KDELR1: variants seen among roughly 807,000 people sequenced by gnomAD.
KDELR1 encodes the protein ER lumen protein-retaining receptor 1.
KDELR1 carries 16 observed loss-of-function variants against 25.5 expected under a neutral mutation model. That is an observed-to-expected ratio of 0.63 (90% CI 0.43 to 0.95). KDELR1 has a LOEUF of 0.95. KDELR1 is among the 40% of genes least tolerant of loss of function. The probability of loss-of-function intolerance (pLI) is 0.00; values close to 1 mark genes in which losing one functional copy is unlikely to be tolerated. For synonymous variants in KDELR1, 121 were observed against 115.0 expected, an observed-to-expected ratio of 1.05 and a Z score of -0.33; for missense variants, 159 against 265.2, an observed-to-expected ratio of 0.60 and a Z score of 2.78.
intron 3 of KDELR1, among the ~76,000 whole-genome samples, chr19:48,386,318 T>C (rs1369140946): frequency 1.3e-5 from 2 of 152,144 alleles, no homozygotes; most frequent in African/African-American, 4.8e-5. Context: ...GGTTTCACCA[T>C]GTTGGCCAGG....
At chr19:48,386,509 A>G (rs1468629671) in intron 3 of KDELR1, among the ~76,000 whole-genome samples, 2 of 146,244 alleles carry the variant, frequency 1.4e-5, no homozygotes, top group African/African-American at 5.2e-5. Context: ...GTACAGTAGC[A>G]CGATCTCAGC....
chr19:48,390,242 C>A, intron 2 of KDELR1, 182 bp downstream of exon 2: 1 of 527,264 alleles, frequency 1.9e-6, no homozygotes, highest in Non-Finnish European at 3.4e-6. Context: ...TCCCTCAGAC[C>A]CAGGAGTCCA....
upstream of KDELR1, among the ~76,000 whole-genome samples, chr19:48,395,206 A>C (rs1970623447): frequency 6.7e-6 from 1 of 149,492 alleles, no homozygotes; most frequent in Non-Finnish European, 1.5e-5. Flanking sequence ...ATCCCCACAT[A>C]CCTGATGCCC....
At chr19:48,389,448 C>T in intron 3 of KDELR1, 105 bp downstream of exon 3, 1 of 1,341,040 alleles carries the variant, frequency 7.5e-7, no homozygotes, top group Admixed American at 1.9e-5. Flanking sequence ...TAAAATAAGG[C>T]AGTTTGGGCA....
chr19:48,389,720 G>C lies in KDELR1; in HGVS notation c.193-9C>G. The stretch of plus-strand genomic sequence containing the variant: ...CAGGCTATGTAGACCACCTGAGGAG[G>C]GGGATGATGAGAAGGGGCCTCAACT... On this transcript the variant is annotated splice_polypyrimidine_tract_variant and intron_variant, in intron 2 of 4. Coordinates refer to ENST00000330720, the MANE Select transcript of KDELR1 (RefSeq NM_006801.3). 6.2e-7 allele frequency: 1 copy of C among 1,613,762 alleles called. No individual in the cohort carries two copies.
chr19:48,389,339 G>A (rs1261719229), intron 3 of KDELR1: 1 of 569,960 alleles, frequency 1.8e-6, no homozygotes, highest in Admixed American at 3.0e-5. Context: ...AAAGTAAGTA[G>A]GTGAAATGCT....
chr19:48,385,049 G>A (rs1318735120), intron 3 of KDELR1, among the ~76,000 whole-genome samples: 2 of 151,988 alleles, frequency 1.3e-5, no homozygotes, highest in African/African-American at 4.8e-5. Flanking sequence ...ACCACACCCG[G>A]CTAATTTTTG....
chr19:48,387,598 CT>C (rs1793294310), intron 3 of KDELR1, among the ~76,000 whole-genome samples: 1 of 150,814 alleles, frequency 6.6e-6, no homozygotes, highest in Non-Finnish European at 1.5e-5. Flanking sequence ...AGGAGAAACG[CT>C]TGACCTGGGA....
upstream of KDELR1, among the ~76,000 whole-genome samples, chr19:48,395,688 G>A (rs891591782): frequency 2.0e-5 from 3 of 152,024 alleles, no homozygotes; most frequent in Non-Finnish European, 4.4e-5. Context: ...GGGACAGGCT[G>A]TGCTATGTAC....
chr19:48,390,573 G>GAGAGAGAC (rs1451151239), intron 1 of KDELR1, 49 bp from the exon 2 acceptor site: 1 of 1,255,576 alleles, frequency 8.0e-7, no homozygotes, highest in Admixed American at 1.8e-5. Flanking sequence ...CAGAGAGAGA[G>GAGAGAGAC]AGAGAGACAG....
intron 2 of KDELR1, chr19:48,390,060 T>C (rs276702): frequency 0.28 from 30,761 of 109,042 alleles, 4,157 homozygotes; most frequent in Middle Eastern, 0.45. Flanking sequence ...CTCCCTCAGA[T>C]CCAGGAGTCC....
intron 3 of KDELR1, among the ~76,000 whole-genome samples, chr19:48,388,760 A>G (rs1207219225): frequency 6.6e-6 from 1 of 150,788 alleles, no homozygotes; most frequent in African/African-American, 2.4e-5. Flanking sequence ...AAGAAGAAAG[A>G]AAGGAAAGAA....
chr19:48,391,662 C>A, upstream of KDELR1: 1 of 421,424 alleles, frequency 2.4e-6, no homozygotes, highest in Non-Finnish European at 4.4e-6. Context: ...GCCGTGGCGG[C>A]GCTAAACGCA....
At chr19:48,395,721 G>A (rs968769777), upstream of KDELR1, among the ~76,000 whole-genome samples, 1 of 152,054 alleles carries the variant, frequency 6.6e-6, no homozygotes, top group Non-Finnish European at 1.5e-5. Context: ...GGGTGACTAG[G>A]GAGGCCAGAG....
upstream of KDELR1, among the ~76,000 whole-genome samples, chr19:48,392,590 C>G (rs978456025): frequency 6.6e-6 from 1 of 152,188 alleles, no homozygotes; most frequent in Non-Finnish European, 1.5e-5. Flanking sequence ...CTTTACGACC[C>G]ACAGATTTAG....
upstream of KDELR1, among the ~76,000 whole-genome samples, chr19:48,392,134 C>A (rs555447451): frequency 7.1e-6 from 1 of 139,992 alleles, no homozygotes; most frequent in East Asian, 2.3e-4. Context: ...ACCCAGGAGT[C>A]CAGGCCCCCA....
In KDELR1 at chr19:48,390,399, CAG is replaced by C. The variant is rs370018341; in HGVS notation, c.192+23_192+24del. On this transcript the variant is annotated intron_variant, in intron 2 of 4. Coordinates refer to ENST00000330720, the MANE Select transcript of KDELR1 (RefSeq NM_006801.3). ...CCGGCTCCTCTGCCTCAGTGGGGGC[CAG>C]AGAGGTGGGGTGGAGCCTCTACCTT... 4.6e-5 allele frequency: 72 copies of C among 1,560,904 alleles called. No individual in the cohort carries two copies. In the African/African-American group the frequency reaches 7.6e-4, roughly 16 times the overall value.
chr19:48,393,297 G>C (rs1479781375), upstream of KDELR1, among the ~76,000 whole-genome samples: 1 of 152,112 alleles, frequency 6.6e-6, no homozygotes, highest in African/African-American at 2.4e-5. This position sits in a 1 kb window ranked among gnomAD's most constrained non-coding sequence, Gnocchi z 5.6. Flanking sequence ...TGGCCTTCTG[G>C]GGCAATAAAA....
In KDELR1 at chr19:48,385,984, G is replaced by A. The variant is rs182358106; in HGVS notation, c.352-1502C>T. ...TCCAGAATCCTCCAGGGAGGCTCTCGTGAAGCCAGGTTAGTTGATGCTGCT... is the reference window on the plus strand; with the variant it reads ...TCCAGAATCCTCCAGGGAGGCTCTCATGAAGCCAGGTTAGTTGATGCTGCT... On this transcript the variant is annotated intron_variant, in intron 3 of 4. Transcript: ENST00000330720. Among the ~76,000 whole-genome samples, 8 of 152,218 alleles carry A rather than the reference G, an allele frequency of 5.3e-5. No individual in the cohort carries two copies. In the East Asian group the frequency reaches 9.6e-4, roughly 18 times the overall value.
Sources: gnomAD v4.1 joint callset for allele counts (sites outside exome capture counted in the v4.1 genomes callset) on GRCh38, gnomAD v4.1.1 for gene constraint, Gnocchi (gnomAD v3.1) non-coding constraint, MANE v1.5 for transcripts, NCBI Gene and HGNC (gene_info 2026-07-23, HGNC 2026-07-21) for gene names.